Variants in FZR1 observed in about 807,000 individuals in gnomAD.
FZR1 encodes fizzy and cell division cycle 20 related 1, also known as fizzy-related protein homolog.
FZR1 carries 11 observed loss-of-function variants against 63.6 expected under a neutral mutation model. The observed-to-expected ratio is 0.17, with a 90% confidence interval of 0.11 to 0.29. The LOEUF (loss-of-function observed/expected upper bound fraction) is 0.29. Among genes scored for constraint, FZR1 ranks in the 10% least tolerant of loss-of-function variants. The pLI is 1.00. For synonymous variants in FZR1, 328 were observed against 297.9 expected (o/e 1.10, Z -1.04); for missense variants, 440 against 687.5 (o/e 0.64, Z 4.03).
At chr19:3,508,146 T>A (rs2082998777) in intron 1 of FZR1, among the ~76,000 whole-genome samples, 1 of 149,182 alleles carries the variant, frequency 6.7e-6, no homozygotes, top group Non-Finnish European at 1.5e-5. Context: ...GGAGGAGGAG[T>A]TTCTAGAAAC....
intron 1 of FZR1, among the ~76,000 whole-genome samples, chr19:3,510,564 A>C (rs1599770616): frequency 6.6e-6 from 1 of 151,968 alleles, no homozygotes; most frequent in Non-Finnish European, 1.5e-5. Context: ...TCTCATCCCC[A>C]CCAGCCTGCA....
chr19:3,515,891 C>T lies in FZR1; in HGVS notation c.-34-7065C>T, dbSNP rs775501954. Reference sequence around the variant, plus strand: ...ACCCACCCCATGACCAGCCGCTTTTCGAACCTTCTGGGAGCAGTGTGCTCT... The same window carrying T: ...ACCCACCCCATGACCAGCCGCTTTTTGAACCTTCTGGGAGCAGTGTGCTCT... On this transcript the variant is annotated intron_variant, in intron 1 of 13. Coordinates refer to ENST00000441788, the MANE Select transcript of FZR1 (RefSeq NM_016263.4). This position sits in a 1 kb window ranked among gnomAD's most constrained non-coding sequence, Gnocchi z 4.6. Among the ~76,000 whole-genome samples, 1 of 152,062 alleles carries T rather than the reference C, an allele frequency of 6.6e-6. No individual in the cohort carries two copies. The highest frequency in any genetic ancestry group is 1.5e-5 in the Non-Finnish European group (1 of 68,002).
chr19:3,525,823 G>T lies in FZR1; in HGVS notation c.70-45G>T. 6.3e-7 allele frequency: 1 copy of T among 1,595,912 alleles called. No individual in the cohort carries two copies. Among genetic ancestry groups the T allele is most frequent in the South Asian group, 1.1e-5 (1 of 90,482 alleles). On this transcript the variant is annotated intron_variant, in intron 2 of 13. Coordinates refer to ENST00000441788, the MANE Select transcript of FZR1 (RefSeq NM_016263.4). This position sits in a 1 kb window ranked among gnomAD's most constrained non-coding sequence, Gnocchi z 4.2. ...GAGGCTGGCCTGGGGGCACTCTCGG[G>T]GGGCTCTCGGTGCTGAGAGCAAGCC...
intron 1 of FZR1, among the ~76,000 whole-genome samples, chr19:3,517,514 C>T (rs567964298): frequency 3.3e-5 from 5 of 152,036 alleles, no homozygotes; most frequent in African/African-American, 1.2e-4. Context: ...TGATGAAACC[C>T]CCTCTCTACT....
intron 1 of FZR1, among the ~76,000 whole-genome samples, chr19:3,511,312 G>GTGGGCTGGAA: frequency 6.6e-6 from 1 of 152,294 alleles, no homozygotes; most frequent in South Asian, 2.1e-4. Context: ...GTGGGCTGGA[G>GTGGGCTGGAA]GTGGGAGCTG....
intron 1 of FZR1, among the ~76,000 whole-genome samples, chr19:3,512,611 G>A (rs191753560): frequency 6.6e-5 from 10 of 152,108 alleles, no homozygotes; most frequent in Admixed American, 2.0e-4. Context: ...TGGGTGCTTC[G>A]CCCGCCTTGG....
At position 3,516,664 on chromosome 19, in the gene FZR1, C is replaced by T. The variant is rs969784388; in HGVS notation, c.-34-6292C>T. ...GAGGTGGGAAGACAGTCTGCACACC[C>T]GTCTTGTGCACCCCTGCCCTCACTG... is the stretch of plus-strand genomic sequence containing the variant. On this transcript the variant is annotated intron_variant, in intron 1 of 13. Transcript: ENST00000441788. This position sits in a 1 kb window ranked among gnomAD's most constrained non-coding sequence, Gnocchi z 6.0. Among the ~76,000 whole-genome samples the T allele has an allele frequency of 1.3e-5, 2 of 152,196 alleles. No homozygotes were observed. The highest frequency in any genetic ancestry group is 2.9e-5 in the Non-Finnish European group (2 of 68,036).
Position 3,526,370 on chromosome 19 carries a change from A to C in FZR1, c.371A>C (p.Lys124Thr). ...AGGCTGCAGCCCTCCACGCCTGAGA[A>C]GAAGGGTCTGTTCACGGTAAGCCTG... ...DRRLQPSTPE[K>T]KGLFTYSLST... The change falls in exon 5 of 14, where the codon AAG (lysine) becomes ACG (threonine). Residue 124 changes from lysine to threonine, a missense_variant. Around this residue, in one of 5 missense-constraint regions of FZR1, gnomAD observed 200 missense variants for 245.1 expected, o/e 0.82. Coordinates refer to ENST00000441788, the MANE Select transcript of FZR1 (RefSeq NM_016263.4). This position sits in a 1 kb window ranked among gnomAD's most constrained non-coding sequence, Gnocchi z 5.4. The C allele has an allele frequency of 3.1e-6, 5 of 1,595,448 alleles. No individual in the cohort carries two copies. The highest frequency in any genetic ancestry group is 4.3e-6 in the Non-Finnish European group (5 of 1,172,378).
At position 3,523,000 on chromosome 19, in the gene FZR1, A is replaced by G; in HGVS notation, c.11A>G (p.Asp4Gly). The change falls in exon 2 of 14, where the codon GAC becomes GGC. Residue 4 changes from aspartate (D) to glycine (G), a missense_variant. Physicochemically the swap from Asp to Gly is moderately conservative, Grantham distance 94 (BLOSUM62 -1). Transcript: ENST00000441788. MDQ[D>G]YERRLLRQIV... Reference sequence around the variant, plus strand: ...GAGCCCTGCCTCGCCATGGACCAGGACTATGAGCGGCGCCTGCTTCGCCAG... The same window carrying G: ...GAGCCCTGCCTCGCCATGGACCAGGGCTATGAGCGGCGCCTGCTTCGCCAG... 6.2e-7 allele frequency: 1 copy of G among 1,611,234 alleles called. No individual in the cohort carries two copies.
rs760461120 is a variant in FZR1 at position 3,527,654 on chromosome 19, G to A, written c.494G>A (p.Arg165Gln). ...AGCCAGAAGCTGCTCCGGTCCCCCCGGAAACCCACCCGCAAGATCTCCAAG... is the reference window on the plus strand; with the variant it reads ...AGCCAGAAGCTGCTCCGGTCCCCCCAGAAACCCACCCGCAAGATCTCCAAG... ...NKSQKLLRSPRKPTRKISKIP... is the reference protein window; with the variant it reads ...NKSQKLLRSPQKPTRKISKIP... The change falls in exon 7 of 14, where the codon CGG (arginine) becomes CAG (glutamine). Residue 165 changes from arginine (R) to glutamine (Q), a missense_variant. Physicochemically the swap from Arg to Gln is conservative, Grantham distance 43. This residue lies in a region of FZR1 where 200 missense variants were observed against 245.1 expected (regional missense o/e 0.82). Transcript: ENST00000441788. The A allele has an allele frequency of 2.5e-6, 4 of 1,610,346 alleles. No individual in the cohort carries two copies. The highest frequency in any genetic ancestry group is 1.7e-5 in the Admixed American group (1 of 59,966).
At chr19:3,534,655 TCGGGGCAGTGTGG>T in intron 13 of FZR1, 127 bp from the exon 14 acceptor site, 1 of 914,048 alleles carries the variant, frequency 1.1e-6, no homozygotes, top group Non-Finnish European at 1.8e-6. Flanking sequence ...GGGTCATGTG[TCGGGGCAGTGTGG>T]CAGGCCGAGG....
At chr19:3,512,703 A>G (rs1214674193) in intron 1 of FZR1, among the ~76,000 whole-genome samples, 6 of 152,140 alleles carry the variant, frequency 3.9e-5, no homozygotes, top group Non-Finnish European at 8.8e-5. Flanking sequence ...TGACAAGGCC[A>G]TCTATGCAGC....
intron 7 of FZR1, among the ~76,000 whole-genome samples, chr19:3,529,648 G>C (rs571560884): frequency 1.9e-3 from 288 of 150,792 alleles, no homozygotes; most frequent in African/African-American, 6.6e-3. Context: ...GTGAGCAGAT[G>C]GGAGAGCGGA....
chr19:3,536,494 A>ATGCCCGCCCC lies in FZR1; in HGVS notation c.*1666_*1675dup, dbSNP rs1247022284. ...AAGAAAACCAACCCTGCCTTCGCCCATGCCCGCCCCTGCCCGCAGTTGCCA... is the reference window on the plus strand; with the variant it reads ...AAGAAAACCAACCCTGCCTTCGCCCATGCCCGCCCCTGCCCGCCCCTGCCCGCAGTTGCCA... On this transcript the variant is annotated 3_prime_UTR_variant, in exon 14 of 14. Transcript: ENST00000441788. 4 of 152,196 alleles carry ATGCCCGCCCC rather than the reference A, an allele frequency of 2.6e-5. No individual in the cohort carries two copies. Among genetic ancestry groups the ATGCCCGCCCC allele is most frequent in the Non-Finnish European group, 5.9e-5 (4 of 68,044 alleles). 9.4% of individuals were successfully genotyped at this position (152,196 alleles called of 1,614,324 possible). A position where few individuals can be genotyped will look rare whatever the true frequency, so the allele number is the denominator to read the frequency against.
chr19:3,530,473 T>C (rs1184446343), intron 7 of FZR1, among the ~76,000 whole-genome samples: 2 of 133,164 alleles, frequency 1.5e-5, no homozygotes, highest in Admixed American at 1.5e-4. Flanking sequence ...GATGAGCGCA[T>C]GGGAGAGCGC....
chr19:3,531,888 CCCCG>C lies in FZR1; in HGVS notation c.824-21_824-18del. 6.3e-7 allele frequency: 1 copy of C among 1,579,764 alleles called. No individual in the cohort carries two copies. ...CTCCGCGAGGGCAGGAGAGGCTCACCCCCGCTTCCACCTGGCCTCCAGGGGCGCT... is the reference window on the plus strand; with the variant it reads ...CTCCGCGAGGGCAGGAGAGGCTCACCCTTCCACCTGGCCTCCAGGGGCGCT... On this transcript the variant is annotated intron_variant, in intron 9 of 13. Coordinates refer to ENST00000441788, the MANE Select transcript of FZR1 (RefSeq NM_016263.4).
At chr19:3,513,158 G>C (rs549356550) in intron 1 of FZR1, among the ~76,000 whole-genome samples, 1 of 152,076 alleles carries the variant, frequency 6.6e-6, no homozygotes, top group Non-Finnish European at 1.5e-5. Context: ...TGCAGGGGTT[G>C]GGACCTGTGA....
intron 1 of FZR1, among the ~76,000 whole-genome samples, chr19:3,519,451 C>T (rs1568231792): frequency 6.6e-6 from 1 of 152,192 alleles, no homozygotes; most frequent in Non-Finnish European, 1.5e-5. Context: ...GCTGGCCTCC[C>T]TCTGGTCTCA....
At position 3,530,830 on chromosome 19, in the gene FZR1, A is replaced by G. The variant is rs1207728835; in HGVS notation, c.693A>G (p.Ser231=). The G allele has an allele frequency of 1.7e-5, 27 of 1,613,036 alleles. No individual in the cohort carries two copies. Among genetic ancestry groups the G allele is most frequent in the Non-Finnish European group, 2.2e-5 (26 of 1,179,720 alleles). Residue 231 remains serine, a synonymous_variant, in exon 8 of 14, where the codon TCA becomes TCG. Coordinates refer to ENST00000441788, the MANE Select transcript of FZR1 (RefSeq NM_016263.4). ...GTGACCTCTCAGTGGAAGGGGACTCAGTGACCTCCGTGGGCTGGTCTGAGC... is the reference window on the plus strand; with the variant it reads ...GTGACCTCTCAGTGGAAGGGGACTCGGTGACCTCCGTGGGCTGGTCTGAGC... ...RLCDLSVEGD[S]VTSVGWSERG...
Sources: gnomAD v4.1 joint callset for allele counts (sites outside exome capture counted in the v4.1 genomes callset) on GRCh38, gnomAD v4.1.1 for gene constraint, gnomAD v4.1.1 regional missense constraint, Gnocchi (gnomAD v3.1) non-coding constraint, MANE v1.5 for transcripts, NCBI Gene and HGNC (gene_info 2026-07-23, HGNC 2026-07-21) for gene names.